The following RBFOX1 variants were observed in gnomAD, a reference collection of about 807,000 sequenced individuals.
RBFOX1 encodes RNA binding fox-1 homolog 1.
In RBFOX1, 8 loss-of-function variants were observed where a neutral mutation model predicts 57.7. The ratio of observed to expected loss-of-function variants is 0.14; its 90% CI spans 0.08 to 0.25. RBFOX1 has a LOEUF of 0.25. Among genes scored for constraint, RBFOX1 ranks in the 10% least tolerant of loss-of-function variants. The pLI is 1.00. For synonymous variants in RBFOX1, 326 were observed against 222.4 expected (o/e 1.47, Z -4.15); for missense variants, 611 against 548.5 (o/e 1.11, Z -1.14).
intron 3 of RBFOX1, among the ~76,000 whole-genome samples, chr16:6,881,763 C>A (rs1196041695): frequency 1.3e-5 from 2 of 152,202 alleles, no homozygotes; most frequent in East Asian, 3.9e-4. Context: ...CAGGCATGAG[C>A]TTATATACCA....
chr16:6,657,183 C>A (rs969391904), intron 3 of RBFOX1, among the ~76,000 whole-genome samples: 1 of 151,128 alleles, frequency 6.6e-6, no homozygotes, highest in Admixed American at 6.6e-5. Flanking sequence ...TTCTCTCCTC[C>A]TTTCCTTCCC....
intron 3 of RBFOX1, among the ~76,000 whole-genome samples, chr16:6,768,625 A>C (rs1038196976): frequency 6.6e-6 from 1 of 151,848 alleles, no homozygotes; most frequent in Non-Finnish European, 1.5e-5. Flanking sequence ...TTTGGTTTAA[A>C]TATCGCCTAC....
intron 4 of RBFOX1, among the ~76,000 whole-genome samples, chr16:7,135,719 C>A (rs1002402860): frequency 3.3e-5 from 5 of 152,208 alleles, no homozygotes; most frequent in African/African-American, 9.6e-5. Context: ...TGAAATTTTA[C>A]CAATTTAACC....
intron 4 of RBFOX1, among the ~76,000 whole-genome samples, chr16:7,234,371 C>G (rs910378445): frequency 3.9e-5 from 6 of 151,942 alleles, no homozygotes; most frequent in African/African-American, 1.2e-4. Context: ...TTGGTTCCAC[C>G]CCTTTGCCAG....
intron 2 of RBFOX1, among the ~76,000 whole-genome samples, chr16:6,550,815 C>T (rs760063596): frequency 1.1e-4 from 16 of 152,170 alleles, no homozygotes; most frequent in Non-Finnish European, 2.4e-4. Context: ...ATTCTTGCTT[C>T]GGCACTTCAC....
chr16:7,311,636 C>T (rs1322436155), intron 4 of RBFOX1, among the ~76,000 whole-genome samples: 1 of 152,084 alleles, frequency 6.6e-6, no homozygotes, highest in African/African-American at 2.4e-5. Context: ...GCAAGCCCTG[C>T]TCTTATGGAA....
chr16:6,869,733 G>C (rs1567642944), intron 3 of RBFOX1, among the ~76,000 whole-genome samples: 1 of 152,152 alleles, frequency 6.6e-6, no homozygotes, highest in Non-Finnish European at 1.5e-5. Context: ...AGAGAACCGT[G>C]TTGACTGATT....
At chr16:6,025,403 G>C (rs1447914993) in intron 1 of RBFOX1, among the ~76,000 whole-genome samples, 2 of 152,194 alleles carry the variant, frequency 1.3e-5, no homozygotes, top group African/African-American at 4.8e-5. Context: ...AATGTTCTTT[G>C]TGTGAGGGTG....
At chr16:6,964,265 C>T (rs1312898146) in intron 3 of RBFOX1, among the ~76,000 whole-genome samples, 2 of 152,102 alleles carry the variant, frequency 1.3e-5, no homozygotes, top group Non-Finnish European at 2.9e-5. Context: ...GTGATGCACC[C>T]CCCTCGACCT....
Position 6,338,570 on chromosome 16 carries a change from AC to A in RBFOX1, c.-64+21514del, listed in dbSNP as rs1445216133. 9.2e-5 allele frequency among the ~76,000 whole-genome samples: 14 copies of A among 152,324 alleles called. No individual in the cohort carries two copies. The East Asian group carries it at 2.5e-3, about 27-fold the overall frequency. On this transcript the variant is annotated intron_variant, in intron 2 of 15. Transcript: ENST00000550418. Reference sequence around the variant, plus strand: ...CTGGGACTAAAATATTTTTTTAAAAACTTGGTCACTGGATGAAATCTAAGTT... The same window carrying A: ...CTGGGACTAAAATATTTTTTTAAAAATTGGTCACTGGATGAAATCTAAGTT...
chr16:5,586,640 G>A (rs1298438854), intron 2 of RBFOX1, among the ~76,000 whole-genome samples: 4 of 152,178 alleles, frequency 2.6e-5, no homozygotes, highest in Non-Finnish European at 5.9e-5. Context: ...GGGGCTACAG[G>A]CATGTGCTAC....
intron 3 of RBFOX1, among the ~76,000 whole-genome samples, chr16:6,788,750 C>G (rs546293383): frequency 9.2e-5 from 14 of 152,084 alleles, no homozygotes; most frequent in Admixed American, 5.9e-4. Context: ...GCTGGGATTA[C>G]AGGTGTGAGC....
chr16:6,652,713 C>A (rs1207845276), intron 2 of RBFOX1, among the ~76,000 whole-genome samples: 1 of 151,956 alleles, frequency 6.6e-6, no homozygotes, highest in African/African-American at 2.4e-5. Context: ...TCTAGAGTAG[C>A]AAAATCCACA....
chr16:6,866,592 A>C (rs1057107540), intron 3 of RBFOX1, among the ~76,000 whole-genome samples: 3 of 112,024 alleles, frequency 2.7e-5, no homozygotes, highest in African/African-American at 1.1e-4. Flanking sequence ...CCCAGGCTGG[A>C]GTGCAGTGGT....
chr16:6,794,924 A>C (rs966287441), intron 3 of RBFOX1, among the ~76,000 whole-genome samples: 1 of 152,194 alleles, frequency 6.6e-6, no homozygotes, highest in Non-Finnish European at 1.5e-5. Flanking sequence ...ACAGATGAGC[A>C]AACTGAGACC....
At chr16:7,278,530 C>T (rs961507687) in intron 4 of RBFOX1, among the ~76,000 whole-genome samples, 5 of 152,128 alleles carry the variant, frequency 3.3e-5, no homozygotes, top group Non-Finnish European at 5.9e-5. Flanking sequence ...TGTATTCATC[C>T]TTTTAGAGTT....
intron 4 of RBFOX1, among the ~76,000 whole-genome samples, chr16:7,216,435 G>C (rs2092059288): frequency 6.6e-6 from 1 of 152,154 alleles, no homozygotes. Flanking sequence ...GAGGAGGATT[G>C]CTTGAGACCG....
intron 4 of RBFOX1, among the ~76,000 whole-genome samples, chr16:7,069,916 C>G (rs1432843088): frequency 6.6e-6 from 1 of 152,182 alleles, no homozygotes; most frequent in Admixed American, 6.5e-5. Context: ...TTCAGGGAAA[C>G]GGAAACTAAA....
intron 4 of RBFOX1, among the ~76,000 whole-genome samples, chr16:7,252,793 A>C (rs542472221): frequency 4.7e-4 from 72 of 151,684 alleles, no homozygotes; most frequent in Non-Finnish European, 8.4e-4. Flanking sequence ...TCTCTGGGCT[A>C]ATGTTACATA....
Sources: allele counts gnomAD v4.1 joint callset (sites outside exome capture counted in the v4.1 genomes callset), GRCh38; gene constraint gnomAD v4.1.1; transcripts MANE v1.5; gene names NCBI Gene and HGNC (gene_info 2026-07-23, HGNC 2026-07-21).